The following LPAR1 variants were observed in gnomAD, a reference collection of about 807,000 sequenced individuals.
LPAR1 encodes the protein LPA receptor 1.
LPAR1 carries 5 observed loss-of-function variants against 23.8 expected under a neutral mutation model. The ratio of observed to expected loss-of-function variants is 0.21; its 90% CI spans 0.11 to 0.44. The LOEUF (loss-of-function observed/expected upper bound fraction) is 0.44. LPAR1 is among the 20% of genes least tolerant of loss of function. LPAR1 has a pLI of 0.99. For synonymous variants in LPAR1, 160 were observed against 164.7 expected (o/e 0.97, Z 0.22); for missense variants, 311 against 482.8 (o/e 0.64, Z 3.33).
chr9:110,992,198 A>G (rs1318077031), intron 2 of LPAR1, among the ~76,000 whole-genome samples: 1 of 152,216 alleles, frequency 6.6e-6, no homozygotes, highest in African/African-American at 2.4e-5. Flanking sequence ...TCAAAATTCA[A>G]AAAGGGGCAA....
At chr9:110,994,904 T>C (rs1351046444) in intron 2 of LPAR1, among the ~76,000 whole-genome samples, 1 of 152,140 alleles carries the variant, frequency 6.6e-6, no homozygotes, top group Non-Finnish European at 1.5e-5. Flanking sequence ...CAAATAGGTC[T>C]TCTGAAAAAG....
At chr9:110,928,588 C>T (rs753261137) in intron 5 of LPAR1, among the ~76,000 whole-genome samples, 2 of 152,168 alleles carry the variant, frequency 1.3e-5, no homozygotes, top group African/African-American at 4.8e-5. Context: ...ACCGTCTGAT[C>T]GTTTTATACA....
rs7865864 is a variant in LPAR1, at chr9:111,004,610, C to T, written c.-181-31052G>A. On this transcript the variant is annotated intron_variant, in intron 2 of 5. Coordinates refer to ENST00000683809, the MANE Select transcript of LPAR1 (RefSeq NM_001351411.2). ...TTTTAATTTTGCCCTACTCACAACACCATGCTCCCTTGATTCTTATCCAAC... is the reference window on the plus strand; with the variant it reads ...TTTTAATTTTGCCCTACTCACAACATCATGCTCCCTTGATTCTTATCCAAC... Among the ~76,000 whole-genome samples the T allele has an allele frequency of 9.7e-3, 1,470 of 152,238 alleles. 21 individuals carry two copies. The highest frequency in any genetic ancestry group is 0.033 in the African/African-American group (1,374 of 41,558).
At chr9:110,952,455 C>T (rs1440679402) in intron 4 of LPAR1, among the ~76,000 whole-genome samples, 1 of 152,128 alleles carries the variant, frequency 6.6e-6, no homozygotes, top group East Asian at 1.9e-4. Context: ...CAGCCCCCAC[C>T]AAACTGCATC....
chr9:111,038,742 G>A (rs749681768), upstream of LPAR1: 2 of 432,614 alleles, frequency 4.6e-6, no homozygotes, highest in South Asian at 3.2e-5. The surrounding 1 kb of genome is among the most constrained non-coding windows in gnomAD (Gnocchi z 4.4). Context: ...GCCGGGGCTG[G>A]GGGGTGGCCT....
chr9:110,987,738 T>C (rs1275165939), intron 2 of LPAR1, among the ~76,000 whole-genome samples: 1 of 151,826 alleles, frequency 6.6e-6, no homozygotes, highest in Non-Finnish European at 1.5e-5. Flanking sequence ...GAATACTATA[T>C]TTCTGATCTG....
At chr9:110,988,875 A>G (rs2096842159) in intron 2 of LPAR1, among the ~76,000 whole-genome samples, 2 of 152,222 alleles carry the variant, frequency 1.3e-5, no homozygotes, top group South Asian at 4.1e-4. Flanking sequence ...AAAAGTAGAA[A>G]TAATCCAAAT....
At chr9:111,029,767 C>T (rs1393510604) in intron 2 of LPAR1, among the ~76,000 whole-genome samples, 1 of 151,766 alleles carries the variant, frequency 6.6e-6, no homozygotes, top group Non-Finnish European at 1.5e-5. Flanking sequence ...TTAGTGTCCT[C>T]AGGCCAGGCA....
At position 110,939,283 on chromosome 9, in the gene LPAR1, C is replaced by G. The variant is rs141755171; in HGVS notation, c.793+2138G>C. On this transcript the variant is annotated intron_variant, in intron 5 of 5. Coordinates refer to ENST00000683809, the MANE Select transcript of LPAR1 (RefSeq NM_001351411.2). The stretch of plus-strand genomic sequence containing the variant: ...CTTTCCAACCACTCCCTGCCCACAT[C>G]CTGCCCATTCTCTTATTCTTGCTAC... Among the ~76,000 whole-genome samples, 15 of 152,330 alleles carry G rather than the reference C, an allele frequency of 9.8e-5. No individual in the cohort carries two copies. In the East Asian group the frequency reaches 2.7e-3, roughly 27 times the overall value.
intron 5 of LPAR1, among the ~76,000 whole-genome samples, chr9:110,892,226 GCAA>G (rs1271315392): frequency 1.3e-5 from 2 of 152,242 alleles, no homozygotes; most frequent in Non-Finnish European, 1.5e-5. Context: ...ATCAATATAT[GCAA>G]CAACATGTTA....
rs1288454213 is a variant in LPAR1 at position 111,038,128 on chromosome 9, A to T, written c.-262+39T>A. 1 of 151,136 alleles carries T rather than the reference A, an allele frequency of 6.6e-6. No homozygotes were observed. The highest frequency in any genetic ancestry group is 1.5e-5 in the Non-Finnish European group (1 of 67,674). 9.4% of individuals were successfully genotyped at this position (151,136 alleles called of 1,614,324 possible). On this transcript the variant is annotated intron_variant, in intron 1 of 5. Transcript: ENST00000683809. The surrounding 1 kb of genome is among the most constrained non-coding windows in gnomAD (Gnocchi z 4.4). ...CGCCGCGGCCTCTGGCTTCGCGCCC[A>T]GGGGGCGCCGTCCCCACACGCCGCG... is the stretch of plus-strand genomic sequence containing the variant.
At chr9:110,933,973 C>G (rs182764180) in intron 5 of LPAR1, among the ~76,000 whole-genome samples, 175 of 152,288 alleles carry the variant, frequency 1.1e-3, no homozygotes, top group African/African-American at 4.0e-3. Flanking sequence ...TTGACCCAAG[C>G]CCAGGATGTG....
In LPAR1 at chr9:110,875,582, A is replaced by G. The variant is rs1244330501; in HGVS notation, c.934T>C (p.Ser312Pro). 1.2e-6 allele frequency: 2 copies of G among 1,614,080 alleles called. No homozygotes were observed. Among genetic ancestry groups the G allele is most frequent in the East Asian group, 4.5e-5 (2 of 44,866 alleles). The change falls in exon 6 of 6, where the codon TCC (serine) becomes CCC (proline). Residue 312 changes from serine to proline, a missense_variant. This residue lies in a region of LPAR1 where 250 missense variants were observed against 427.2 expected (regional missense o/e 0.59). Coordinates refer to ENST00000683809, the MANE Select transcript of LPAR1 (RefSeq NM_001351411.2). ...FNSAMNPIIY[S>P]YRDKEMSATF... ...GCGCTCATTTCTTTGTCGCGGTAGG[A>G]GTAAATGATGGGGTTCATGGCAGAG...
rs189258979 is a variant in LPAR1 at position 110,889,186 on chromosome 9, C to T, written c.794-13464G>A. 9.1e-4 allele frequency among the ~76,000 whole-genome samples: 139 copies of T among 152,122 alleles called. 1 individual carries two copies. The highest frequency in any genetic ancestry group is 3.2e-3 in the African/African-American group (134 of 41,494). On this transcript the variant is annotated intron_variant, in intron 5 of 5. Transcript: ENST00000683809. ...ACCATCCTGGCTAACAAGGTGAAACCCTGTCTCTACTAAAAATACAAAAAT... is the reference window on the plus strand; with the variant it reads ...ACCATCCTGGCTAACAAGGTGAAACTCTGTCTCTACTAAAAATACAAAAAT...
intron 2 of LPAR1, among the ~76,000 whole-genome samples, chr9:111,020,571 G>A (rs1177631482): frequency 2.0e-5 from 3 of 152,234 alleles, no homozygotes; most frequent in Non-Finnish European, 2.9e-5. Context: ...TGGAATTCTA[G>A]GCCAGGCATC....
At chr9:110,919,366 G>A (rs1486273101) in intron 5 of LPAR1, among the ~76,000 whole-genome samples, 2 of 151,984 alleles carry the variant, frequency 1.3e-5, no homozygotes, top group African/African-American at 4.8e-5. Flanking sequence ...TTCCCTAGTC[G>A]AGCCTCCACA....
chr9:111,020,569 T>C (rs975403061), intron 2 of LPAR1, among the ~76,000 whole-genome samples: 4 of 152,360 alleles, frequency 2.6e-5, no homozygotes, highest in Middle Eastern at 3.4e-3. Flanking sequence ...TATGGAATTC[T>C]AGGCCAGGCA....
chr9:110,991,579 TTTGTTGTTG>T (rs199560980), intron 2 of LPAR1, among the ~76,000 whole-genome samples: 2,393 of 73,002 alleles, frequency 0.033, 75 homozygotes, highest in African/African-American at 0.1. Context: ...TCTGGTTTGT[TTTGTTGTTG>T]TTGTTGTTGT....
intron 2 of LPAR1, among the ~76,000 whole-genome samples, chr9:111,023,761 C>T (rs905041663): frequency 2.0e-5 from 3 of 152,038 alleles, no homozygotes; most frequent in Non-Finnish European, 4.4e-5. Flanking sequence ...TGAGTTATAA[C>T]CAGTACTTTT....
Sources: gnomAD v4.1 joint callset for allele counts (sites outside exome capture counted in the v4.1 genomes callset) on GRCh38, gnomAD v4.1.1 for gene constraint, gnomAD v4.1.1 regional missense constraint, Gnocchi (gnomAD v3.1) non-coding constraint, MANE v1.5 for transcripts, NCBI Gene and HGNC (gene_info 2026-07-23, HGNC 2026-07-21) for gene names.